PI4KA: variants seen among roughly 807,000 people sequenced by gnomAD.
The protein encoded by PI4KA is PI4-kinase alpha.
PI4KA carries 122 observed loss-of-function variants against 271.4 expected under a neutral mutation model. The observed-to-expected ratio is 0.45, with a 90% CI of 0.39 to 0.52. The LOEUF is 0.52. Ranked by LOEUF, PI4KA falls within the 20% of genes least tolerant of loss-of-function variation. The pLI is 0.00. For missense variants in PI4KA, 1,969 were observed against 2,769.1 expected (o/e 0.71, Z 6.48); for synonymous variants, 1,041 against 1,078.8 (o/e 0.96, Z 0.69).
chr22:20,764,863 C>T lies in PI4KA; in HGVS notation c.2662G>A (p.Ala888Thr). 1 of 1,613,416 alleles carries T rather than the reference C, an allele frequency of 6.2e-7. No homozygotes were observed. Among genetic ancestry groups the T allele is most frequent in the South Asian group, 1.1e-5 (1 of 90,894 alleles). ...ACAGAGAGGAGGTAGGTGGACATGG[C>T]GAAGTCCAGCTTGTTGATGAGTGCG... Reference protein sequence around the residue: ...VSALINKLDFAMSTYLLSVYR... With the variant: ...VSALINKLDFTMSTYLLSVYR... The change falls in exon 22 of 55, where the codon GCC (alanine) becomes ACC (threonine). Residue 888 changes from alanine (A) to threonine (T), a missense_variant. Ala to Thr is a moderately conservative substitution (Grantham distance 58). Around this residue, in one of 13 missense-constraint regions of PI4KA, gnomAD observed 368 missense variants for 544.3 expected, o/e 0.68. Transcript: ENST00000255882.
intron 19 of PI4KA, chr22:20,779,621 G>GACAGACTCTGATGTGAGTGCTGGGA (rs754568810): frequency 1.8e-5 from 29 of 1,614,202 alleles, no homozygotes; most frequent in Non-Finnish European, 2.5e-5. Flanking sequence ...CAGTTTCCCC[G>GACAGACTCTGATGTGAGTGCTGGGA]ACAGACTCTG....
chr22:20,753,870 T>G (rs1374447439), intron 23 of PI4KA, among the ~76,000 whole-genome samples: 1 of 152,128 alleles, frequency 6.6e-6, no homozygotes, highest in African/African-American at 2.4e-5. Context: ...GTATTTTTAG[T>G]AGAGACAGGG....
At chr22:20,784,223 T>C (rs760147687) in intron 19 of PI4KA, 1 of 1,614,102 alleles carries the variant, frequency 6.2e-7, no homozygotes, top group Non-Finnish European at 8.5e-7. Context: ...GGTGGAGAGA[T>C]GGCAAAAAAG....
chr22:20,709,304 G>A lies in PI4KA; in HGVS notation c.6249C>T (p.Leu2083=), dbSNP rs777312418. The A allele has an allele frequency of 1.6e-5, 19 of 1,223,066 alleles. No individual in the cohort carries two copies. The South Asian group carries it at 2.3e-4, about 15-fold the overall frequency. The allele number at this position is 1,223,066 out of a possible 1,614,324, so 75.8% of individuals were successfully genotyped here. The part of the protein sequence containing the change: ...FIMKVIQSCF[L]SNRSRTYDMI... ...GGGGGCGGGGCACTCACCTGTTGCTGAGGAAGCAGCTCTGGATGACCTTCA... is the reference window on the plus strand; with the variant it reads ...GGGGGCGGGGCACTCACCTGTTGCTAAGGAAGCAGCTCTGGATGACCTTCA... Residue 2083 remains leucine (L), a synonymous_variant, in exon 54 of 55, where the codon CTC becomes CTT. Coordinates refer to ENST00000255882, the MANE Select transcript of PI4KA (RefSeq NM_058004.4).
At chr22:20,801,172 G>C (rs1041013532) in intron 14 of PI4KA, among the ~76,000 whole-genome samples, 5 of 151,158 alleles carry the variant, frequency 3.3e-5, no homozygotes, top group African/African-American at 7.3e-5. Flanking sequence ...TTACAGGCTT[G>C]AGCCACCACA....
intron 19 of PI4KA, among the ~76,000 whole-genome samples, chr22:20,792,206 T>C (rs1934686601): frequency 6.6e-6 from 1 of 152,186 alleles, no homozygotes; most frequent in African/African-American, 2.4e-5. Flanking sequence ...ACCAGTCAGT[T>C]ACTATTTTTC....
intron 4 of PI4KA, among the ~76,000 whole-genome samples, chr22:20,823,517 T>A (rs1922984201): frequency 6.6e-6 from 1 of 152,198 alleles, no homozygotes; most frequent in Admixed American, 6.5e-5. Context: ...TAAGAAAAAG[T>A]TGTATGATTA....
At chr22:20,757,219 A>G (rs997403254) in intron 23 of PI4KA, among the ~76,000 whole-genome samples, 2 of 152,238 alleles carry the variant, frequency 1.3e-5, no homozygotes, top group African/African-American at 4.8e-5. Flanking sequence ...TTTCCTTCTT[A>G]TCTTTCATGT....
chr22:20,819,706 G>A lies in PI4KA; in HGVS notation c.724C>T (p.Leu242=). Residue 242 remains leucine, a synonymous_variant, in exon 6 of 55, where the codon CTG becomes TTG. Coordinates refer to ENST00000255882, the MANE Select transcript of PI4KA (RefSeq NM_058004.4). Reference sequence around the variant, plus strand: ...GTACCCTCCTGACAGACAGTCAGCAGATTGCTGGGGAGGATGGAGCGGAAG... The same window carrying A: ...GTACCCTCCTGACAGACAGTCAGCAAATTGCTGGGGAGGATGGAGCGGAAG... The part of the protein sequence containing the change: ...NDFRSILPSN[L]LTVCQEGTLK... The A allele has an allele frequency of 6.2e-7, 1 of 1,614,042 alleles. No individual in the cohort carries two copies. Among genetic ancestry groups the A allele is most frequent in the African/African-American group, 1.3e-5 (1 of 75,024 alleles).
intron 27 of PI4KA, among the ~76,000 whole-genome samples, chr22:20,750,297 A>G (rs372868164): frequency 1.2e-4 from 18 of 152,364 alleles, no homozygotes; most frequent in African/African-American, 4.3e-4. Context: ...AAGAACACGT[A>G]AAGACACAGG....
chr22:20,818,513 G>A lies in PI4KA; in HGVS notation c.826C>T (p.Pro276Ser). The change falls in exon 7 of 55, where the codon CCT becomes TCT. Residue 276 changes from proline to serine, a missense_variant. By Grantham distance (74) the Pro-to-Ser change is moderately conservative. Around this residue, in one of 13 missense-constraint regions of PI4KA, gnomAD observed 540 missense variants for 555.5 expected, o/e 0.97. Transcript: ENST00000255882. The stretch of plus-strand genomic sequence containing the variant: ...AAGTAGTGAAAGGCAGATCCTCCAG[G>A]GGAACTGGGAGGGGGCATGCCGCGT... ...PERGMPPPSS[P>S]GGSAFHYFEA... 2 of 1,570,300 alleles carry A rather than the reference G, an allele frequency of 1.3e-6. No individual in the cohort carries two copies. The highest frequency in any genetic ancestry group is 1.7e-6 in the Non-Finnish European group (2 of 1,163,522).
At chr22:20,822,096 G>T (rs1922782436) in intron 4 of PI4KA, among the ~76,000 whole-genome samples, 1 of 152,170 alleles carries the variant, frequency 6.6e-6, no homozygotes, top group Admixed American at 6.5e-5. Context: ...GCCAAGAACA[G>T]TGCAGGGGTT....
chr22:20,816,497 G>A (rs938376097), intron 7 of PI4KA, among the ~76,000 whole-genome samples: 1 of 152,058 alleles, frequency 6.6e-6, no homozygotes, highest in African/African-American at 2.4e-5. Flanking sequence ...GAGATAGAAG[G>A]ACCGGCTGTA....
At chr22:20,803,396 C>G (rs1006363788) in intron 12 of PI4KA, 76 bp from the exon 13 acceptor site, 19 of 1,582,446 alleles carry the variant, frequency 1.2e-5, no homozygotes, top group Admixed American at 6.7e-5. Context: ...GGGAGGTGCT[C>G]AACCCTTCAG....
At chr22:20,826,753 G>A (rs1055602039) in intron 3 of PI4KA, among the ~76,000 whole-genome samples, 3 of 152,206 alleles carry the variant, frequency 2.0e-5, no homozygotes, top group African/African-American at 7.2e-5. Flanking sequence ...TCTGACTGGT[G>A]TGAGATGGTA....
At chr22:20,783,923 T>G in intron 19 of PI4KA, 2 of 1,613,490 alleles carry the variant, frequency 1.2e-6, no homozygotes, top group East Asian at 4.5e-5. Flanking sequence ...GTGAGACGAT[T>G]TCCCTAAAGG....
intron 14 of PI4KA, among the ~76,000 whole-genome samples, chr22:20,800,330 A>T (rs1935223118): frequency 6.6e-6 from 1 of 152,194 alleles, no homozygotes; most frequent in Admixed American, 6.5e-5. Context: ...GAATCCAGGG[A>T]AAGAAGTATT....
At position 20,799,119 on chromosome 22, in the gene PI4KA, G is replaced by C. The variant is rs1416651096; in HGVS notation, c.1978C>G (p.Leu660Val). 1 of 1,613,608 alleles carries C rather than the reference G, an allele frequency of 6.2e-7. No homozygotes were observed. Among genetic ancestry groups the C allele is most frequent in the Admixed American group, 1.7e-5 (1 of 59,938 alleles). The stretch of plus-strand genomic sequence containing the variant: ...TTTCCGGTGATAACCAGGCAGCCCA[G>C]CTGGTCAATAATCAGCACATCGAGG... Reference protein sequence around the residue: ...SPLDVLIIDQLGCLVITGNQY... With the variant: ...SPLDVLIIDQVGCLVITGNQY... Residue 660 changes from leucine to valine, a missense_variant, in exon 16 of 55, where the codon CTG (leucine) becomes GTG (valine). Leu to Val is a conservative substitution (Grantham distance 32, BLOSUM62 1). Coordinates refer to ENST00000255882, the MANE Select transcript of PI4KA (RefSeq NM_058004.4).
At chr22:20,759,626 C>T (rs1601424589) in intron 23 of PI4KA, among the ~76,000 whole-genome samples, 2 of 151,748 alleles carry the variant, frequency 1.3e-5, no homozygotes, top group African/African-American at 2.4e-5. Flanking sequence ...AGTACAGTTG[C>T]GTGAACTCCA....
Sources: gnomAD v4.1 joint callset for allele counts (sites outside exome capture counted in the v4.1 genomes callset) on GRCh38, gnomAD v4.1.1 for gene constraint, gnomAD v4.1.1 regional missense constraint, MANE v1.5 for transcripts, NCBI Gene and HGNC (gene_info 2026-07-23, HGNC 2026-07-21) for gene names.